ARHGEF4: variants seen among roughly 807,000 people sequenced by gnomAD.
The protein encoded by ARHGEF4 is Rho guanine nucleotide exchange factor 4.
Under a neutral mutation model 162.0 loss-of-function variants are expected in ARHGEF4, and 119 were observed. The ratio of observed to expected loss-of-function variants is 0.73; its 90% confidence interval spans 0.63 to 0.86. ARHGEF4 has a LOEUF of 0.86. Ranked by LOEUF, ARHGEF4 falls within the 40% of genes least tolerant of loss-of-function variation. The probability of loss-of-function intolerance (pLI) is 0.00; values close to 1 mark genes in which losing one functional copy is unlikely to be tolerated. For missense variants in ARHGEF4, 2,488 were observed against 2,456.0 expected, an observed-to-expected ratio of 1.01 and a Z score of -0.28; for synonymous variants, 1,014 against 979.9, an observed-to-expected ratio of 1.03 and a Z score of -0.65.
chr2:130,838,438 T>C (rs901283657), intron 1 of ARHGEF4, among the ~76,000 whole-genome samples: 2 of 152,128 alleles, frequency 1.3e-5, no homozygotes, highest in Middle Eastern at 3.4e-3. Flanking sequence ...AAACCCCGTC[T>C]CTACTAAAAA....
At chr2:130,890,548 C>T (rs910232248) in intron 1 of ARHGEF4, among the ~76,000 whole-genome samples, 4 of 146,154 alleles carry the variant, frequency 2.7e-5, no homozygotes, top group East Asian at 2.0e-4. Context: ...GGTGATAGAG[C>T]GAGACTCCGT....
chr2:130,856,364 A>G (rs1212270339), intron 1 of ARHGEF4, among the ~76,000 whole-genome samples: 3 of 152,232 alleles, frequency 2.0e-5, no homozygotes, highest in Non-Finnish European at 4.4e-5. Flanking sequence ...GTTGGACACT[A>G]TTAAGTGCAC....
intron 4 of ARHGEF4, among the ~76,000 whole-genome samples, chr2:130,968,850 A>G (rs1225915297): frequency 2.0e-5 from 3 of 152,128 alleles, no homozygotes; most frequent in Admixed American, 6.5e-5. Flanking sequence ...CCCAGGAGGC[A>G]GAGGTTGCAG....
intron 4 of ARHGEF4, among the ~76,000 whole-genome samples, chr2:130,990,314 A>G (rs943613620): frequency 3.9e-5 from 6 of 152,202 alleles, no homozygotes; most frequent in Non-Finnish European, 7.4e-5. Flanking sequence ...TGTTTTGGGC[A>G]TTGGTAAAAA....
In ARHGEF4 at chr2:130,932,759, C is replaced by T. The variant is rs983887655; in HGVS notation, c.3858+1502C>T. 1.1e-4 allele frequency among the ~76,000 whole-genome samples: 17 copies of T among 151,918 alleles called. 1 individual carries two copies. The highest frequency in any genetic ancestry group is 3.2e-3 in the Middle Eastern group (1 of 316). ...TTTTTTCTAAGAGTTTTATACCTTTCGCTTTTAAATTTAGGTCTTTGATCC... is the reference window on the plus strand; with the variant it reads ...TTTTTTCTAAGAGTTTTATACCTTTTGCTTTTAAATTTAGGTCTTTGATCC... On this transcript the variant is annotated intron_variant, in intron 3 of 13. Transcript: ENST00000409359.
Position 131,046,645 on chromosome 2 carries a change from C to CAAGT in ARHGEF4, c.*457_*460dup, listed in dbSNP as rs1199349106. The CAAGT allele has an allele frequency of 6.5e-6, 1 of 154,014 alleles. No homozygotes were observed. The highest frequency in any genetic ancestry group is 2.4e-5 in the African/African-American group (1 of 41,546). The allele number at this position is 154,014 out of a possible 1,614,324, so 9.5% of individuals were successfully genotyped here. On this transcript the variant is annotated 3_prime_UTR_variant, in exon 14 of 14. Coordinates refer to ENST00000409359, the MANE Select transcript of ARHGEF4 (RefSeq NM_001367493.1). ...TGTGCCCCTCTGCCCTCTAGTTCTCCAAGTCCCCAGCCCGGCCAGTGGTGC... is the reference window on the plus strand; with the variant it reads ...TGTGCCCCTCTGCCCTCTAGTTCTCCAAGTAAGTCCCCAGCCCGGCCAGTGGTGC...
chr2:130,866,335 G>T (rs948174574), intron 1 of ARHGEF4, among the ~76,000 whole-genome samples: 1 of 152,212 alleles, frequency 6.6e-6, no homozygotes, highest in African/African-American at 2.4e-5. Context: ...AGTGAGCCAA[G>T]TTTGTGCCAC....
At chr2:130,989,093 C>T (rs367944627) in intron 4 of ARHGEF4, among the ~76,000 whole-genome samples, 49 of 152,176 alleles carry the variant, frequency 3.2e-4, no homozygotes, top group African/African-American at 1.1e-3. Context: ...TCCTGAGTAG[C>T]TGGGACTACA....
rs1681474812 is a variant in ARHGEF4, at chr2:130,916,145, G to C, written c.2199G>C (p.Pro733=). 6.5e-7 allele frequency: 1 copy of C among 1,549,122 alleles called. No homozygotes were observed. Among genetic ancestry groups the C allele is most frequent in the Non-Finnish European group, 8.7e-7 (1 of 1,146,884 alleles). ...SEETPSTEEP[P]GERLRGESRS... Reference sequence around the variant, plus strand: ...AGACGCCGAGCACAGAGGAGCCCCCGGGAGAGAGACTGCGTGGGGAGAGCC... The same window carrying C: ...AGACGCCGAGCACAGAGGAGCCCCCCGGAGAGAGACTGCGTGGGGAGAGCC... The change falls in exon 2 of 14, where the codon CCG becomes CCC. Residue 733 remains proline, a synonymous_variant. Coordinates refer to ENST00000409359, the MANE Select transcript of ARHGEF4 (RefSeq NM_001367493.1).
At chr2:130,926,810 A>ATTTT (rs55904944) in intron 2 of ARHGEF4, among the ~76,000 whole-genome samples, 2,779 of 48,808 alleles carry the variant, frequency 0.057, 798 homozygotes, top group African/African-American at 0.18. Context: ...CTTCTGGCTG[A>ATTTT]TTTTTTTTTT....
At chr2:131,040,660 A>G (rs1489872021) in intron 8 of ARHGEF4, among the ~76,000 whole-genome samples, 1 of 152,210 alleles carries the variant, frequency 6.6e-6, no homozygotes, top group Non-Finnish European at 1.5e-5. Flanking sequence ...TCCTGGGAGC[A>G]GAGGGCTGGG....
intron 4 of ARHGEF4, among the ~76,000 whole-genome samples, chr2:130,987,544 C>T (rs138665374): frequency 6.8e-4 from 103 of 152,314 alleles, no homozygotes; most frequent in Non-Finnish European, 1.1e-3. Context: ...TCTGTCCTAT[C>T]GGAGTGCCCT....
chr2:130,918,800 C>G (rs1681689968), intron 2 of ARHGEF4, among the ~76,000 whole-genome samples: 1 of 152,198 alleles, frequency 6.6e-6, no homozygotes, highest in African/African-American at 2.4e-5. Flanking sequence ...TGTATCTCTA[C>G]GCAGTTAAAC....
intron 4 of ARHGEF4, among the ~76,000 whole-genome samples, chr2:130,987,507 C>T (rs1332058168): frequency 1.3e-5 from 2 of 152,178 alleles, no homozygotes; most frequent in Non-Finnish European, 2.9e-5. Context: ...GCTTTTATTC[C>T]CTTATTGTCC....
chr2:130,852,515 G>A (rs1167801131), intron 1 of ARHGEF4, among the ~76,000 whole-genome samples: 2 of 149,604 alleles, frequency 1.3e-5, no homozygotes, highest in Non-Finnish European at 3.0e-5. Flanking sequence ...CATCGGGCCA[G>A]ACTGTGAGCT....
In ARHGEF4 at chr2:130,992,999, G is replaced by A. The variant is rs374384194; in HGVS notation, c.3986-34946G>A. ...TTCGGGAGGCTGAGGCAGGGGAATC[G>A]TTTGAATCCTGGAGGCGGAGGTTGC... On this transcript the variant is annotated intron_variant, in intron 4 of 13. Transcript: ENST00000409359. Among the ~76,000 whole-genome samples, 62 of 152,312 alleles carry A rather than the reference G, an allele frequency of 4.1e-4. 1 individual carries two copies. The highest frequency in any genetic ancestry group is 1.4e-3 in the African/African-American group (57 of 41,580).
In ARHGEF4 at chr2:131,040,428, C is replaced by T; in HGVS notation, c.4650C>T (p.Cys1550=). 2.5e-6 allele frequency: 4 copies of T among 1,591,232 alleles called. No individual in the cohort carries two copies. Among genetic ancestry groups the T allele is most frequent in the Non-Finnish European group, 3.4e-6 (4 of 1,168,694 alleles). Residue 1550 remains cysteine (C), a synonymous_variant, in exon 8 of 14, where the codon TGC becomes TGT. Transcript: ENST00000409359. The stretch of plus-strand genomic sequence containing the variant: ...CACACCTGAGCGAGCTGGGTGCCTG[C>T]TTCCTGGAGCATGTGAGCGCGCGGC... ...ERPHLSELGA[C]FLEHQADFQI... is the part of the protein sequence containing the mutation.
chr2:130,884,344 G>A (rs913583392), intron 1 of ARHGEF4, among the ~76,000 whole-genome samples: 6 of 152,052 alleles, frequency 3.9e-5, no homozygotes, highest in African/African-American at 1.5e-4. Context: ...AATGGTTAAA[G>A]AGTACAGACC....
chr2:130,853,838 G>T (rs1681580391), intron 1 of ARHGEF4, among the ~76,000 whole-genome samples: 1 of 152,196 alleles, frequency 6.6e-6, no homozygotes, highest in Admixed American at 6.5e-5. Context: ...CTCAGGAGGT[G>T]AGCCGGAGGA....
Sources: allele counts gnomAD v4.1 joint callset (sites outside exome capture counted in the v4.1 genomes callset), GRCh38; gene constraint gnomAD v4.1.1; transcripts MANE v1.5; gene names NCBI Gene and HGNC (gene_info 2026-07-23, HGNC 2026-07-21).